Variants in SIK2 observed in about 807,000 individuals in gnomAD.
SIK2 encodes serine/threonine-protein kinase SIK2.
SIK2 carries 29 observed loss-of-function variants against 103.2 expected under a neutral mutation model. That is an observed-to-expected ratio of 0.28 (90% CI 0.21 to 0.38). The LOEUF is 0.38. Among genes scored for constraint, SIK2 ranks in the 10% least tolerant of loss-of-function variants. The pLI, the probability that SIK2 is intolerant of heterozygous loss-of-function variation, is 1.00. For synonymous variants in SIK2, 412 were observed against 446.1 expected (o/e 0.92, Z 0.96); for missense variants, 879 against 1,171.0 (o/e 0.75, Z 3.64).
Position 111,722,947 on chromosome 11 carries a change from C to A in SIK2, c.2147+191C>A, listed in dbSNP as rs906512060. 2.6e-5 allele frequency among the ~76,000 whole-genome samples: 4 copies of A among 152,230 alleles called. No individual in the cohort carries two copies. Among genetic ancestry groups the A allele is most frequent in the Non-Finnish European group, 5.9e-5 (4 of 68,042 alleles). Reference sequence around the variant, plus strand: ...CCATGGAGGATGGTCCTGTCAGGCACTGGCAGCCCCACAGTGTACTTTGTT... The same window carrying A: ...CCATGGAGGATGGTCCTGTCAGGCAATGGCAGCCCCACAGTGTACTTTGTT... On this transcript the variant is annotated intron_variant, in intron 14 of 14. Coordinates refer to ENST00000304987, the MANE Select transcript of SIK2 (RefSeq NM_015191.3). This position sits in a 1 kb window ranked among gnomAD's most constrained non-coding sequence, Gnocchi z 4.4.
chr11:111,605,555 A>G (rs1051788189), intron 1 of SIK2, among the ~76,000 whole-genome samples: 19 of 152,218 alleles, frequency 1.2e-4, no homozygotes, highest in Non-Finnish European at 2.2e-4. Context: ...TTTATATACT[A>G]TGCTTTAACA....
Position 111,722,627 on chromosome 11 carries a change from C to A in SIK2, c.2056-38C>A. The A allele has an allele frequency of 6.3e-7, 1 of 1,578,034 alleles. No homozygotes were observed. The highest frequency in any genetic ancestry group is 8.7e-7 in the Non-Finnish European group (1 of 1,150,798). On this transcript the variant is annotated intron_variant, in intron 13 of 14. Coordinates refer to ENST00000304987, the MANE Select transcript of SIK2 (RefSeq NM_015191.3). This position sits in a 1 kb window ranked among gnomAD's most constrained non-coding sequence, Gnocchi z 4.4. ...CTGATGACTGCATCCTAGGTGACAGCACATTGTCACGCTCATGTTGTTTTT... is the reference window on the plus strand; with the variant it reads ...CTGATGACTGCATCCTAGGTGACAGAACATTGTCACGCTCATGTTGTTTTT...
intron 1 of SIK2, among the ~76,000 whole-genome samples, chr11:111,603,131 C>G (rs963608335): frequency 6.6e-6 from 1 of 152,102 alleles, no homozygotes; most frequent in East Asian, 1.9e-4. Flanking sequence ...GTCGCCGGCC[C>G]GAGGAGGGGA....
chr11:111,726,479 A>AC lies in SIK2; in HGVS notation c.*2354dup, dbSNP rs1176512405. The AC allele has an allele frequency of 1.9e-5, 3 of 156,716 alleles. No individual in the cohort carries two copies. The highest frequency in any genetic ancestry group is 4.3e-5 in the Non-Finnish European group (3 of 70,494). The allele number at this position is 156,716 out of a possible 1,614,324, so 9.7% of individuals were successfully genotyped here. ...GGACACCGGCCTGATGCAGAGCGTG[A>AC]CCCCTCCTGCTGGGACCTGTGTTGT... On this transcript the variant is annotated 3_prime_UTR_variant, in exon 15 of 15. Transcript: ENST00000304987.
intron 2 of SIK2, among the ~76,000 whole-genome samples, chr11:111,617,838 A>G (rs928608336): frequency 5.4e-4 from 81 of 150,102 alleles, no homozygotes; most frequent in African/African-American, 1.9e-3. Context: ...GTGTTTGTGT[A>G]TGTGTGTGTG....
At chr11:111,646,353 GCAGGAGAATCGCTTGAACC>G (rs1265989136) in intron 3 of SIK2, among the ~76,000 whole-genome samples, 1 of 152,192 alleles carries the variant, frequency 6.6e-6, no homozygotes, top group African/African-American at 2.4e-5. Flanking sequence ...GGAGGCTGAA[GCAGGAGAATCGCTTGAACC>G]CAGGAGGCAG....
intron 3 of SIK2, among the ~76,000 whole-genome samples, chr11:111,663,323 A>G (rs901828916): frequency 2.0e-5 from 3 of 152,142 alleles, no homozygotes; most frequent in Non-Finnish European, 2.9e-5. Flanking sequence ...TTAAGCAGAA[A>G]AGTTAGGAAT....
intron 3 of SIK2, among the ~76,000 whole-genome samples, chr11:111,650,949 A>G (rs1368870391): frequency 6.6e-6 from 1 of 152,162 alleles, no homozygotes; most frequent in Non-Finnish European, 1.5e-5. Context: ...GTAATGTTTT[A>G]TATCTTTTGA....
At chr11:111,715,301 A>G (rs1406540521) in intron 9 of SIK2, among the ~76,000 whole-genome samples, 1 of 152,136 alleles carries the variant, frequency 6.6e-6, no homozygotes, top group Non-Finnish European at 1.5e-5. Context: ...GGGCCCATAA[A>G]TAAGTGCACA....
chr11:111,709,375 T>C (rs370331422), intron 8 of SIK2, among the ~76,000 whole-genome samples: 48 of 152,334 alleles, frequency 3.2e-4, no homozygotes, highest in African/African-American at 1.1e-3. Flanking sequence ...GGGGCTCAAC[T>C]TGTGAATTTT....
Position 111,726,914 on chromosome 11 carries a change from G to A in SIK2, c.*2785G>A. 6.3e-7 allele frequency: 1 copy of A among 1,576,496 alleles called. No homozygotes were observed. The highest frequency in any genetic ancestry group is 1.7e-5 in the Admixed American group (1 of 59,282). On this transcript the variant is annotated 3_prime_UTR_variant, in exon 15 of 15. Coordinates refer to ENST00000304987, the MANE Select transcript of SIK2 (RefSeq NM_015191.3). The stretch of plus-strand genomic sequence containing the variant: ...GTAAAAATTTCGTTCGGCAAAAAGT[G>A]CAATATGTGTGGTACTTTATTTTTT...
chr11:111,690,085 TC>T (rs1223566556), intron 4 of SIK2, among the ~76,000 whole-genome samples: 1 of 152,106 alleles, frequency 6.6e-6, no homozygotes, highest in African/African-American at 2.4e-5. Context: ...TAGAATACTT[TC>T]ATAGTTTATG....
chr11:111,715,695 G>C lies in SIK2; in HGVS notation c.1266+3320G>C, dbSNP rs117580365. 6.6e-3 allele frequency among the ~76,000 whole-genome samples: 1,007 copies of C among 151,444 alleles called. 8 individuals carry two copies. Among genetic ancestry groups the C allele is most frequent in the Middle Eastern group, 0.061 (18 of 294 alleles). On this transcript the variant is annotated intron_variant, in intron 9 of 14. Transcript: ENST00000304987. ...GACATGGGGGCCATATGGGAGGGCA[G>C]ATGCATAAACCTTGTAGAATAAATC...
intron 3 of SIK2, among the ~76,000 whole-genome samples, chr11:111,637,122 CT>C (rs1942118032): frequency 6.6e-6 from 1 of 151,410 alleles, no homozygotes; most frequent in African/African-American, 2.4e-5. Flanking sequence ...TCTTTTTTTT[CT>C]TTTTTATTTT....
chr11:111,638,185 G>C (rs78202565), intron 3 of SIK2, among the ~76,000 whole-genome samples: 2 of 152,216 alleles, frequency 1.3e-5, no homozygotes, highest in East Asian at 3.8e-4. Context: ...CCTTATGGAT[G>C]AGGAATGCTA....
chr11:111,655,227 CCTCTT>C (rs2135866586), intron 3 of SIK2, among the ~76,000 whole-genome samples: 1 of 152,176 alleles, frequency 6.6e-6, no homozygotes, highest in Non-Finnish European at 1.5e-5. Context: ...CATGGTGAAA[CCTCTT>C]CTCTACTAAA....
At chr11:111,661,850 A>T (rs1942472148) in intron 3 of SIK2, among the ~76,000 whole-genome samples, 1 of 152,078 alleles carries the variant, frequency 6.6e-6, no homozygotes, top group Non-Finnish European at 1.5e-5. Flanking sequence ...TCATGGGAAA[A>T]CCCTGCCCAC....
chr11:111,692,534 T>G (rs1482291952), intron 4 of SIK2, among the ~76,000 whole-genome samples: 1 of 151,944 alleles, frequency 6.6e-6, no homozygotes, highest in African/African-American at 2.4e-5. Flanking sequence ...GTGAGAATGA[T>G]AGGAAAAAAG....
Position 111,701,397 on chromosome 11 carries a change from CAA to C in SIK2, c.604-53_604-52del, listed in dbSNP as rs1466713832. 4.4e-6 allele frequency: 7 copies of C among 1,578,586 alleles called. No homozygotes were observed. Among genetic ancestry groups the C allele is most frequent in the African/African-American group, 2.7e-5 (2 of 73,884 alleles). On this transcript the variant is annotated intron_variant, in intron 5 of 14. Coordinates refer to ENST00000304987, the MANE Select transcript of SIK2 (RefSeq NM_015191.3). This position sits in a 1 kb window ranked among gnomAD's most constrained non-coding sequence, Gnocchi z 4.2. ...AGAGCCCTGGGGATGTTCAGGAAAA[CAA>C]AGAGTGTTTGACGTTCTTGGTAGAA...
Sources: gnomAD v4.1 joint callset for allele counts (sites outside exome capture counted in the v4.1 genomes callset) on GRCh38, gnomAD v4.1.1 for gene constraint, Gnocchi (gnomAD v3.1) non-coding constraint, MANE v1.5 for transcripts, NCBI Gene and HGNC (gene_info 2026-07-23, HGNC 2026-07-21) for gene names.